Variants in REEP5 observed in about 807,000 individuals in gnomAD.
REEP5 encodes the protein receptor accessory protein 5, also known as receptor expression-enhancing protein 5.
A neutral mutation model predicts 22.4 loss-of-function variants in REEP5; 24 were observed. That is an observed-to-expected ratio of 1.07 (90% confidence interval 0.78 to 1.51). REEP5 has a LOEUF of 1.51. Among genes scored for constraint, REEP5 ranks in the 40% most tolerant of loss-of-function variants. The pLI is 0.00. For synonymous variants in REEP5, 103 were observed against 88.6 expected (o/e 1.16, Z -0.92); for missense variants, 252 against 233.0 (o/e 1.08, Z -0.53).
intron 3 of REEP5, chr5:112,897,030 T>G (rs1416975467): frequency 2.6e-5 from 4 of 152,222 alleles, no homozygotes; most frequent in African/African-American, 9.6e-5. Flanking sequence ...ACAAATGTCC[T>G]CAATGTCTTT....
chr5:112,906,407 C>A (rs1016061735), intron 2 of REEP5, among the ~76,000 whole-genome samples: 1 of 152,158 alleles, frequency 6.6e-6, no homozygotes, highest in African/African-American at 2.4e-5. Context: ...GCAAAATGTC[C>A]GGTACAAAGT....
intron 3 of REEP5, among the ~76,000 whole-genome samples, chr5:112,890,669 C>T (rs952476629): frequency 6.6e-6 from 1 of 150,482 alleles, no homozygotes; most frequent in African/African-American, 2.5e-5. Flanking sequence ...TGAGCCACTG[C>T]ACCTGGCCTA....
At chr5:112,906,592 T>G (rs1282221090) in intron 2 of REEP5, among the ~76,000 whole-genome samples, 1 of 152,186 alleles carries the variant, frequency 6.6e-6, no homozygotes, top group Non-Finnish European at 1.5e-5. Context: ...TCTACTCACC[T>G]GGATTTGCAG....
At position 112,884,902 on chromosome 5, in the gene REEP5, A is replaced by G. The variant is rs6879416; in HGVS notation, c.520+2113T>C. Among the ~76,000 whole-genome samples the G allele has an allele frequency of 4.3e-3, 652 of 152,170 alleles. 6 individuals carry two copies. The highest frequency in any genetic ancestry group is 0.015 in the African/African-American group (632 of 41,508). ...TGTAAGCTTCATGAATTCAAGGAGTATGGTCTCTTCGGTATGCTGGTTCAC... is the reference window on the plus strand; with the variant it reads ...TGTAAGCTTCATGAATTCAAGGAGTGTGGTCTCTTCGGTATGCTGGTTCAC... On this transcript the variant is annotated intron_variant, in intron 4 of 4. Transcript: ENST00000379638.
chr5:112,888,803 T>G (rs1768342890), intron 3 of REEP5, among the ~76,000 whole-genome samples: 1 of 150,828 alleles, frequency 6.6e-6, no homozygotes, highest in African/African-American at 2.5e-5. Context: ...CAAGGATTGC[T>G]TGGGCCCAGG....
chr5:112,908,864 A>ATT (rs397974052), intron 2 of REEP5, among the ~76,000 whole-genome samples: 4,179 of 142,250 alleles, frequency 0.029, 200 homozygotes, highest in African/African-American at 0.094. Flanking sequence ...CCAGCTAATG[A>ATT]TTTTTTTTTT....
rs769667450 is a variant in REEP5, at chr5:112,887,068, A to G, written c.467T>C (p.Val156Ala). The change falls in exon 4 of 5, where the codon GTC becomes GCC. Residue 156 changes from valine (V) to alanine (A), a missense_variant. Transcript: ENST00000379638. ...TTTGGCCTTGTCTTTAAGGTCCTTGACCACACTGTCCATCTGGGACTCGTG... is the reference window on the plus strand; with the variant it reads ...TTTGGCCTTGTCTTTAAGGTCCTTGGCCACACTGTCCATCTGGGACTCGTG... The part of the protein sequence containing the change: ...LKHESQMDSV[V>A]KDLKDKAKET... 1 of 1,613,660 alleles carries G rather than the reference A, an allele frequency of 6.2e-7. No homozygotes were observed. Among genetic ancestry groups the G allele is most frequent in the Non-Finnish European group, 8.5e-7 (1 of 1,179,812 alleles).
intron 2 of REEP5, among the ~76,000 whole-genome samples, chr5:112,917,344 G>A (rs1427793119): frequency 6.6e-6 from 1 of 152,082 alleles, no homozygotes; most frequent in African/African-American, 2.4e-5. Context: ...ACCTTTCTCT[G>A]TCCCTGAATT....
chr5:112,889,591 A>G (rs1768369001), intron 3 of REEP5, among the ~76,000 whole-genome samples: 1 of 150,774 alleles, frequency 6.6e-6, no homozygotes, highest in South Asian at 2.1e-4. Context: ...ATATATAGCT[A>G]TAGATAGCTT....
chr5:112,881,649 T>C (rs1237116513), intron 4 of REEP5, among the ~76,000 whole-genome samples: 5 of 152,212 alleles, frequency 3.3e-5, no homozygotes, highest in African/African-American at 4.8e-5. Flanking sequence ...TCTCATGTCA[T>C]CAGATTCTAT....
At chr5:112,918,242 A>G (rs957923769) in intron 2 of REEP5, among the ~76,000 whole-genome samples, 1 of 152,206 alleles carries the variant, frequency 6.6e-6, no homozygotes. Context: ...GCACACGGAA[A>G]GAACAACCAG....
At chr5:112,880,463 G>A (rs965623021) in intron 4 of REEP5, among the ~76,000 whole-genome samples, 3 of 141,964 alleles carry the variant, frequency 2.1e-5, no homozygotes, top group African/African-American at 8.6e-5. Flanking sequence ...GAGAGCCAAG[G>A]AGTCCCTTCT....
Position 112,922,127 on chromosome 5 carries a change from G to A in REEP5, c.64C>T (p.Leu22Phe). 2 of 1,606,852 alleles carry A rather than the reference G, an allele frequency of 1.2e-6. No homozygotes were observed. Among genetic ancestry groups the A allele is most frequent in the South Asian group, 1.1e-5 (1 of 90,076 alleles). Residue 22 changes from leucine (L) to phenylalanine (F), a missense_variant, in exon 1 of 5, where the codon CTT (leucine) becomes TTT (phenylalanine). Physicochemically the swap from Leu to Phe is conservative, Grantham distance 22 (BLOSUM62 0). Transcript: ENST00000379638. ...FLHEKNCMTD[L>F]LAKLEAKTGV... ...GTTTTGGCCTCGAGCTTGGCCAGAA[G>A]GTCAGTCATGCAGTTCTTCTCGTGC...
chr5:112,882,903 G>C (rs911152219), intron 4 of REEP5, among the ~76,000 whole-genome samples: 2 of 152,102 alleles, frequency 1.3e-5, no homozygotes, highest in African/African-American at 4.8e-5. Flanking sequence ...AGTCACTTCT[G>C]TAGGCTCCCA....
At chr5:112,888,018 T>G (rs1204231284) in intron 3 of REEP5, among the ~76,000 whole-genome samples, 1 of 152,212 alleles carries the variant, frequency 6.6e-6, no homozygotes, top group African/African-American at 2.4e-5. Context: ...TATACTGAGT[T>G]ATTTTAGTTT....
At chr5:112,912,938 A>G (rs541374624) in intron 2 of REEP5, among the ~76,000 whole-genome samples, 19 of 152,348 alleles carry the variant, frequency 1.2e-4, no homozygotes, top group Admixed American at 3.9e-4. Context: ...AGAAAGTTAC[A>G]TATCTTTTTC....
In REEP5 at chr5:112,920,270, G is replaced by A. The variant is rs142326646; in HGVS notation, c.212+893C>T. 1.8e-3 allele frequency among the ~76,000 whole-genome samples: 275 copies of A among 152,292 alleles called. 1 individual carries two copies. The highest frequency in any genetic ancestry group is 5.7e-3 in the African/African-American group (236 of 41,566). On this transcript the variant is annotated intron_variant, in intron 2 of 4. Coordinates refer to ENST00000379638, the MANE Select transcript of REEP5 (RefSeq NM_005669.5). ...CTAGCCTAACTAGTGACAGATACAAGCTGTAATAATGTGTTATCTGTGTCT... is the reference window on the plus strand; with the variant it reads ...CTAGCCTAACTAGTGACAGATACAAACTGTAATAATGTGTTATCTGTGTCT...
chr5:112,901,441 G>A (rs995695596), intron 3 of REEP5, among the ~76,000 whole-genome samples: 5 of 152,268 alleles, frequency 3.3e-5, no homozygotes, highest in South Asian at 2.1e-4. Flanking sequence ...GGGCACGGTG[G>A]CTCACGCCTG....
chr5:112,892,462 G>T (rs1476584419), intron 3 of REEP5: 2 of 1,614,042 alleles, frequency 1.2e-6, no homozygotes, highest in Non-Finnish European at 1.7e-6. Context: ...GAGGGGCAAT[G>T]TATATGTTCA....
Sources: allele counts gnomAD v4.1 joint callset (sites outside exome capture counted in the v4.1 genomes callset), GRCh38; gene constraint gnomAD v4.1.1; transcripts MANE v1.5; gene names NCBI Gene and HGNC (gene_info 2026-07-23, HGNC 2026-07-21).